ATG2B: variants seen among roughly 807,000 people sequenced by gnomAD.
The protein encoded by ATG2B is autophagy-related protein 2 homolog B.
ATG2B carries 121 observed loss-of-function variants against 241.3 expected under a neutral mutation model. That is an observed-to-expected ratio of 0.50 (90% confidence interval 0.43 to 0.58). The LOEUF is 0.58. Ranked by LOEUF, ATG2B falls within the 20% of genes least tolerant of loss-of-function variation. ATG2B has a pLI of 0.00. For missense variants in ATG2B, 2,306 were observed against 2,491.6 expected (o/e 0.93, Z 1.59); for synonymous variants, 858 against 876.6 (o/e 0.98, Z 0.37).
chr14:96,311,560 A>G lies in ATG2B; in HGVS notation c.3972T>C (p.Ser1324=). The change falls in exon 27 of 42, where the codon TCT becomes TCC. Residue 1324 remains serine (S), a synonymous_variant. Coordinates refer to ENST00000359933, the MANE Select transcript of ATG2B (RefSeq NM_018036.7). The part of the protein sequence containing the change: ...LLELTITAVK[S]DSDGEQTEPR... ...AACTCACTTGCTCTCCATCAGAATCAGACTTCACTGCAGTTATGGTTAACT... is the reference window on the plus strand; with the variant it reads ...AACTCACTTGCTCTCCATCAGAATCGGACTTCACTGCAGTTATGGTTAACT... 6.2e-7 allele frequency: 1 copy of G among 1,607,094 alleles called. No homozygotes were observed. Among genetic ancestry groups the G allele is most frequent in the Non-Finnish European group, 8.5e-7 (1 of 1,175,378 alleles).
rs1383731977 is a variant in ATG2B, at chr14:96,322,586, G to A, written c.2690C>T (p.Ala897Val). 4.3e-6 allele frequency: 7 copies of A among 1,613,296 alleles called. No individual in the cohort carries two copies. In the Middle Eastern group the frequency reaches 6.6e-4, roughly 152 times the overall value. ...LKDVCDLRRP[A>V]PSPFSSRRVM... ...TCTACGAGAAGAAAAAGGAGATGGGGCTGGTCTTCTTAGATCACAAACATC... is the reference window on the plus strand; with the variant it reads ...TCTACGAGAAGAAAAAGGAGATGGGACTGGTCTTCTTAGATCACAAACATC... Residue 897 changes from alanine to valine, a missense_variant, in exon 17 of 42, where the codon GCC becomes GTC. By Grantham distance (64) the Ala-to-Val change is moderately conservative (BLOSUM62 0). Transcript: ENST00000359933.
intron 41 of ATG2B, among the ~76,000 whole-genome samples, chr14:96,288,076 C>G (rs1438172982): frequency 6.6e-6 from 1 of 151,934 alleles, no homozygotes; most frequent in Non-Finnish European, 1.5e-5. Flanking sequence ...CCTACCATCT[C>G]AATCCACACT....
chr14:96,293,725 T>C (rs1469804677), intron 36 of ATG2B, among the ~76,000 whole-genome samples: 3 of 152,216 alleles, frequency 2.0e-5, no homozygotes, highest in Non-Finnish European at 4.4e-5. Context: ...AGAGTACAAA[T>C]GAAAATCTAT....
chr14:96,316,338 C>G (rs1466169753), intron 21 of ATG2B, among the ~76,000 whole-genome samples, 195 bp downstream of exon 21: 1 of 152,126 alleles, frequency 6.6e-6, no homozygotes, highest in Non-Finnish European at 1.5e-5. Flanking sequence ...GTGAATTATA[C>G]CTCAACAAAG....
chr14:96,336,608 A>C (rs1887875508), intron 6 of ATG2B, among the ~76,000 whole-genome samples: 1 of 152,226 alleles, frequency 6.6e-6, no homozygotes, highest in Admixed American at 6.5e-5. Flanking sequence ...CATCATGTAC[A>C]AAAGTTTGGG....
rs373208072 is a variant in ATG2B, at chr14:96,285,828, C to T, written c.6164G>A (p.Gly2055Asp). The change falls in exon 42 of 42, where the codon GGT (glycine) becomes GAT (aspartate). Residue 2055 changes from glycine (G) to aspartate (D), a missense_variant. By Grantham distance (94) the Gly-to-Asp change is moderately conservative. Around this residue, in one of 2 missense-constraint regions of ATG2B, gnomAD observed 379 missense variants for 480.4 expected, o/e 0.79. Coordinates refer to ENST00000359933, the MANE Select transcript of ATG2B (RefSeq NM_018036.7). The surrounding 1 kb of genome is among the most constrained non-coding windows in gnomAD (Gnocchi z 4.2). ...TGGCCTAATTTGGTTTCTCATGCCA[C>T]CCAGCACGTTTGACGTTGCTTCTGT... ...VATEATSNVL[G>D]GMRNQIRPDV... 2.7e-5 allele frequency: 43 copies of T among 1,614,034 alleles called. No homozygotes were observed. The highest frequency in any genetic ancestry group is 3.1e-5 in the Non-Finnish European group (36 of 1,180,036).
chr14:96,297,428 C>G (rs561565531), intron 34 of ATG2B, among the ~76,000 whole-genome samples: 9 of 152,124 alleles, frequency 5.9e-5, no homozygotes, highest in African/African-American at 1.9e-4. Context: ...GACAGAGTCT[C>G]GCTCTGTTGC....
In ATG2B at chr14:96,289,613, C is replaced by T. The variant is rs77065927; in HGVS notation, c.6006+43G>A. On this transcript the variant is annotated intron_variant, in intron 41 of 41. Coordinates refer to ENST00000359933, the MANE Select transcript of ATG2B (RefSeq NM_018036.7). The surrounding 1 kb of genome is among the most constrained non-coding windows in gnomAD (Gnocchi z 4.3). ...GCTCTTTAGGTGAAAGTTGGGAAAG[C>T]GCACAGAAGGGTTCTGATGTGTCCA... 6.0e-4 allele frequency: 954 copies of T among 1,594,820 alleles called. 12 individuals are homozygous for T. The East Asian group carries it at 0.019, about 31-fold the overall frequency.
At position 96,341,709 on chromosome 14, in the gene ATG2B, A is replaced by C; in HGVS notation, c.745-8T>G. ...GAGCTTTGGCTCAGTTTCCTACAAT[A>C]AAGTGACAAAAATAATTATTTAAAA... On this transcript the variant is annotated splice_region_variant and splice_polypyrimidine_tract_variant and intron_variant, in intron 5 of 41. Transcript: ENST00000359933. 6.6e-7 allele frequency: 1 copy of C among 1,516,516 alleles called. No homozygotes were observed. Among genetic ancestry groups the C allele is most frequent in the Non-Finnish European group, 8.8e-7 (1 of 1,130,218 alleles). 93.9% of individuals were successfully genotyped at this position (1,516,516 alleles called of 1,614,324 possible).
rs202049106 is a variant in ATG2B, at chr14:96,305,616, G to A, written c.4706C>T (p.Pro1569Leu). 525 of 1,613,320 alleles carry A rather than the reference G, an allele frequency of 3.3e-4. No individual in the cohort carries two copies. The highest frequency in any genetic ancestry group is 4.9e-4 in the Middle Eastern group (3 of 6,062). Residue 1569 changes from proline (P) to leucine (L), a missense_variant, in exon 31 of 42, where the codon CCT becomes CTT. Transcript: ENST00000359933. ...LYGGKDFGIV[P>L]PTSPAKSYIS... ...ATAACTTTTAGCCGGAGAAGTGGGA[G>A]GGACTATTCCAAAATCCTTTCCTCC...
Position 96,290,795 on chromosome 14 carries a change from A to T in ATG2B, c.5701+19T>A. 1 of 1,591,542 alleles carries T rather than the reference A, an allele frequency of 6.3e-7. No homozygotes were observed. The highest frequency in any genetic ancestry group is 8.5e-7 in the Non-Finnish European group (1 of 1,173,302). On this transcript the variant is annotated intron_variant, in intron 39 of 41. Transcript: ENST00000359933. This position sits in a 1 kb window ranked among gnomAD's most constrained non-coding sequence, Gnocchi z 4.4. ...TGAAAAAATAACTTATCTTTTGATTAAAAAAGAAGAAAACTCACCTAATTG... is the reference window on the plus strand; with the variant it reads ...TGAAAAAATAACTTATCTTTTGATTTAAAAAGAAGAAAACTCACCTAATTG...
intron 6 of ATG2B, among the ~76,000 whole-genome samples, chr14:96,336,507 T>C (rs1887872806): frequency 6.6e-6 from 1 of 152,210 alleles, no homozygotes; most frequent in Non-Finnish European, 1.5e-5. Context: ...TTGTCACTAA[T>C]ATACAGAACT....
At chr14:96,334,771 T>G (rs978115990) in intron 6 of ATG2B, among the ~76,000 whole-genome samples, 1 of 152,206 alleles carries the variant, frequency 6.6e-6, no homozygotes, top group Non-Finnish European at 1.5e-5. Flanking sequence ...TCTGAGTACT[T>G]AAAAGTATTT....
Position 96,331,447 on chromosome 14 carries a change from T to G in ATG2B, c.1659A>C (p.Ala553=). The G allele has an allele frequency of 1.2e-6, 2 of 1,614,134 alleles. No homozygotes were observed. The highest frequency in any genetic ancestry group is 1.7e-6 in the Non-Finnish European group (2 of 1,179,992). The stretch of plus-strand genomic sequence containing the variant: ...ACTTAAAATCTTCTGTTGAAAATCT[T>G]GCTGGATCAATCTTTTCTATACAAG... ...FFTCIEKIDP[A]RFSTEDFKSF... is the part of the protein sequence containing the mutation. The change falls in exon 11 of 42, where the codon GCA becomes GCC. Residue 553 remains alanine (A), a synonymous_variant. Transcript: ENST00000359933.
At chr14:96,316,773 T>C in intron 20 of ATG2B, 90 bp from the exon 21 acceptor site, 1 of 1,155,122 alleles carries the variant, frequency 8.7e-7, no homozygotes, top group Non-Finnish European at 1.2e-6. Context: ...TGATTCAGCT[T>C]AGGAAAATCT....
chr14:96,349,345 G>A (rs1888253908), intron 1 of ATG2B, among the ~76,000 whole-genome samples: 1 of 152,266 alleles, frequency 6.6e-6, no homozygotes, highest in South Asian at 2.1e-4. Context: ...AAAGAGCCTT[G>A]TAATGCATGT....
intron 1 of ATG2B, among the ~76,000 whole-genome samples, chr14:96,360,333 T>A (rs555766764): frequency 6.6e-6 from 1 of 152,328 alleles, no homozygotes; most frequent in Non-Finnish European, 1.5e-5. Context: ...ACTTTAATAA[T>A]GAGTAAGAAA....
Position 96,362,834 on chromosome 14 carries a change from T to G in ATG2B, c.143A>C (p.Gln48Pro). The change falls in exon 1 of 42, where the codon CAG (glutamine) becomes CCG (proline). Residue 48 changes from glutamine to proline, a missense_variant. Transcript: ENST00000359933. ...DLYQGTGSLA[Q>P]VPLDKWCLNE... is the part of the protein sequence containing the mutation. ...TCTTACCCATTTGTCCAAGGGGACC[T>G]GGGCGAGGGACCCGGTGCCTTGGTA... is the stretch of plus-strand genomic sequence containing the variant. 1.2e-6 allele frequency: 2 copies of G among 1,609,556 alleles called. No individual in the cohort carries two copies. The highest frequency in any genetic ancestry group is 1.7e-6 in the Non-Finnish European group (2 of 1,177,520).
chr14:96,336,500 T>C (rs1277520996), intron 6 of ATG2B, among the ~76,000 whole-genome samples: 1 of 152,220 alleles, frequency 6.6e-6, no homozygotes, highest in Non-Finnish European at 1.5e-5. Flanking sequence ...TGTTCATTTG[T>C]CACTAATATA....
Sources: gnomAD v4.1 joint callset for allele counts (sites outside exome capture counted in the v4.1 genomes callset) on GRCh38, gnomAD v4.1.1 for gene constraint, gnomAD v4.1.1 regional missense constraint, Gnocchi (gnomAD v3.1) non-coding constraint, MANE v1.5 for transcripts, NCBI Gene and HGNC (gene_info 2026-07-23, HGNC 2026-07-21) for gene names.